Variants in RBFOX1 observed in about 807,000 individuals in gnomAD.
RBFOX1 encodes RNA binding fox-1 homolog 1.
A neutral mutation model predicts 57.7 loss-of-function variants in RBFOX1; 8 were observed. The ratio of observed to expected loss-of-function variants is 0.14; its 90% CI spans 0.08 to 0.25. The LOEUF is 0.25. RBFOX1 is among the 10% of genes least tolerant of loss of function. The probability of loss-of-function intolerance (pLI) is 1.00; values close to 1 mark genes in which losing one functional copy is unlikely to be tolerated. For synonymous variants in RBFOX1, 326 were observed against 222.4 expected (o/e 1.47, Z -4.15); for missense variants, 611 against 548.5 (o/e 1.11, Z -1.14).
At chr16:6,310,856 G>A (rs1462082715) in intron 1 of RBFOX1, among the ~76,000 whole-genome samples, 2 of 150,802 alleles carry the variant, frequency 1.3e-5, no homozygotes, top group Admixed American at 1.3e-4. Context: ...AGTCAGCCAG[G>A]ACTCCCTGAA....
At position 5,503,309 on chromosome 16, in the gene RBFOX1, T is replaced by A. The variant is rs559799559; in HGVS notation, c.258+36055T>A. 7.9e-5 allele frequency among the ~76,000 whole-genome samples: 12 copies of A among 152,326 alleles called. No homozygotes were observed. The East Asian group carries it at 1.9e-3, about 24-fold the overall frequency. ...GAGAGTTGTACCCGTGGGAAGTAAT[T>A]TCACCACTGTCCCCCACTCTTGAAT... is the stretch of plus-strand genomic sequence containing the variant. On this transcript the variant is annotated intron_variant, in intron 2 of 2. Transcript: ENST00000585867.
intron 2 of RBFOX1, among the ~76,000 whole-genome samples, chr16:5,560,434 G>C (rs35394064): frequency 0.71 from 107,686 of 151,984 alleles, 38,282 homozygotes; most frequent in South Asian, 0.82. Context: ...GCTTCTCCCC[G>C]CACTCCGGTG....
At chr16:7,568,382 A>G (rs1288797280) in intron 5 of RBFOX1, among the ~76,000 whole-genome samples, 3 of 152,124 alleles carry the variant, frequency 2.0e-5, no homozygotes, top group Admixed American at 1.3e-4. Flanking sequence ...TTGCCATGGC[A>G]TTTGGAAACT....
Position 7,711,701 on chromosome 16 carries a change from G to GACTGT in RBFOX1, c.*956_*957insACTGT, listed in dbSNP as rs2084026808. On this transcript the variant is annotated 3_prime_UTR_variant, in exon 16 of 16. Transcript: ENST00000550418. ...TACATCTGTGCAGTGGAGTTGTTAA[G>GACTGT]TTCTAGAAACAGTCTATGAAGCTTT... 1 of 152,508 alleles carries GACTGT rather than the reference G, an allele frequency of 6.6e-6. No individual in the cohort carries two copies. Among genetic ancestry groups the GACTGT allele is most frequent in the Non-Finnish European group, 1.5e-5 (1 of 68,020 alleles). The allele number at this position is 152,508 out of a possible 1,614,324, so 9.4% of individuals were successfully genotyped here.
At chr16:7,181,857 G>A (rs548637797) in intron 4 of RBFOX1, among the ~76,000 whole-genome samples, 6 of 152,192 alleles carry the variant, frequency 3.9e-5, no homozygotes, top group South Asian at 2.1e-4. Context: ...CACCATACCC[G>A]GGCCCCAGAG....
intron 4 of RBFOX1, among the ~76,000 whole-genome samples, chr16:7,217,824 C>A (rs1383295894): frequency 1.3e-5 from 2 of 152,178 alleles, no homozygotes; most frequent in East Asian, 3.9e-4. Context: ...GAAAGACTTA[C>A]AGCATTGTCA....
chr16:6,168,571 C>T (rs890414908), intron 1 of RBFOX1, among the ~76,000 whole-genome samples: 2 of 152,080 alleles, frequency 1.3e-5, no homozygotes, highest in Admixed American at 6.5e-5. Context: ...CATCAGAGGA[C>T]CCGTCAGATA....
At chr16:6,717,161 C>T (rs111227118) in intron 3 of RBFOX1, among the ~76,000 whole-genome samples, 5 of 152,164 alleles carry the variant, frequency 3.3e-5, no homozygotes, top group African/African-American at 1.2e-4. Flanking sequence ...GTTTAAGATG[C>T]ACGGTCTATG....
chr16:6,214,561 AGG>A (rs2097319904), intron 1 of RBFOX1, among the ~76,000 whole-genome samples: 1 of 65,116 alleles, frequency 1.5e-5, no homozygotes, highest in Admixed American at 2.0e-4. Context: ...AGAGGGGGAG[AGG>A]GAGGGGGGAG....
At chr16:6,905,499 G>C (rs559826175) in intron 3 of RBFOX1, among the ~76,000 whole-genome samples, 7 of 151,040 alleles carry the variant, frequency 4.6e-5, no homozygotes, top group Admixed American at 4.0e-4. Flanking sequence ...GTTGCAGTGA[G>C]CCAAGCTGAT....
intron 3 of RBFOX1, among the ~76,000 whole-genome samples, chr16:6,976,847 T>C (rs1172179990): frequency 7.9e-6 from 1 of 126,338 alleles, no homozygotes; most frequent in Non-Finnish European, 1.6e-5. Flanking sequence ...TATCATATGA[T>C]GTATATCACA....
At chr16:6,322,408 CT>C (rs2081916490) in intron 2 of RBFOX1, among the ~76,000 whole-genome samples, 1 of 152,182 alleles carries the variant, frequency 6.6e-6, no homozygotes, top group Non-Finnish European at 1.5e-5. Context: ...TATTTCCCAG[CT>C]CCAAGCACTT....
intron 1 of RBFOX1, among the ~76,000 whole-genome samples, chr16:5,285,677 G>C (rs560758434): frequency 6.6e-6 from 1 of 152,290 alleles, no homozygotes; most frequent in Non-Finnish European, 1.5e-5. Context: ...TTGATTCTGG[G>C]TAGGTACAGT....
At chr16:7,513,368 G>A (rs1313563187) in intron 4 of RBFOX1, among the ~76,000 whole-genome samples, 1 of 152,140 alleles carries the variant, frequency 6.6e-6, no homozygotes, top group Non-Finnish European at 1.5e-5. Flanking sequence ...TTTAACTCTT[G>A]GCTTCCCTAA....
chr16:7,389,560 C>G (rs777038485), intron 4 of RBFOX1, among the ~76,000 whole-genome samples: 1 of 152,176 alleles, frequency 6.6e-6, no homozygotes, highest in African/African-American at 2.4e-5. Context: ...AAGATCCTTA[C>G]AGAATGACTT....
chr16:7,605,348 G>A (rs565869320), intron 9 of RBFOX1, among the ~76,000 whole-genome samples: 1 of 152,230 alleles, frequency 6.6e-6, no homozygotes, highest in South Asian at 2.1e-4. Flanking sequence ...GAAACCGCTA[G>A]GGCAGTAGGT....
chr16:7,049,951 T>C (rs1362306675), intron 3 of RBFOX1, among the ~76,000 whole-genome samples: 1 of 152,194 alleles, frequency 6.6e-6, no homozygotes, highest in South Asian at 2.1e-4. Context: ...AATATCCAGT[T>C]TGAGAACATT....
intron 3 of RBFOX1, among the ~76,000 whole-genome samples, chr16:5,834,727 A>G (rs1282367092): frequency 7.7e-6 from 1 of 130,700 alleles, no homozygotes; most frequent in Admixed American, 7.6e-5. Flanking sequence ...ACATAGATAC[A>G]TAGATACATA....
intron 3 of RBFOX1, among the ~76,000 whole-genome samples, chr16:6,841,985 T>A (rs976636839): frequency 7.4e-6 from 1 of 135,298 alleles, no homozygotes; most frequent in South Asian, 2.3e-4. Context: ...AAAAAAAAAA[T>A]ACAAAAAATT....
Sources: gnomAD v4.1 joint callset for allele counts (sites outside exome capture counted in the v4.1 genomes callset) on GRCh38, gnomAD v4.1.1 for gene constraint, MANE v1.5 for transcripts, NCBI Gene and HGNC (gene_info 2026-07-23, HGNC 2026-07-21) for gene names.